ZNF75D: variants seen among roughly 807,000 people sequenced by gnomAD.
ZNF75D encodes zinc finger protein 75D, also known as zinc finger protein 75.
In ZNF75D, 33 loss-of-function variants were observed where a neutral mutation model predicts 33.3. The observed-to-expected ratio is 0.99, with a 90% CI of 0.75 to 1.32. The LOEUF (loss-of-function observed/expected upper bound fraction) is 1.32, where lower values mean the gene tolerates loss of function less well. Among genes scored for constraint, ZNF75D ranks in the 40% most tolerant of loss-of-function variants. The probability of loss-of-function intolerance (pLI) is 0.00; values close to 1 mark genes in which losing one functional copy is unlikely to be tolerated. For missense variants in ZNF75D, 338 were observed against 367.5 expected (o/e 0.92, Z 0.66); for synonymous variants, 113 against 130.6 (o/e 0.87, Z 0.92).
chrX:135,278,818 C>T (rs902627501), intron 1 of ZNF75D, among the ~76,000 whole-genome samples: 67 of 112,128 alleles, frequency 6.0e-4, no homozygotes, highest in African/African-American at 2.1e-3. Flanking sequence ...TTGAACCAGC[C>T]TTGCATCCCA....
At chrX:135,336,763 T>C (rs1556442503) in intron 1 of ZNF75D, among the ~76,000 whole-genome samples, 1 of 112,471 alleles carries the variant, frequency 8.9e-6, no homozygotes, top group Non-Finnish European at 1.9e-5. Flanking sequence ...CTCAGAACTT[T>C]TTCACTCCAG....
chrX:135,279,422 CT>C (rs2083911826), intron 1 of ZNF75D, among the ~76,000 whole-genome samples: 1 of 111,463 alleles, frequency 9.0e-6, no homozygotes, highest in Non-Finnish European at 1.9e-5. Flanking sequence ...TTTTGTTAAT[CT>C]TTTCAAAAAA....
At chrX:135,325,813 C>T (rs1476450647) in intron 1 of ZNF75D, among the ~76,000 whole-genome samples, 11 of 112,631 alleles carry the variant, frequency 9.8e-5, no homozygotes, top group Non-Finnish European at 1.5e-4. Context: ...CCAGTCCCAT[C>T]GACCACCCAA....
chrX:135,267,979 G>A (rs1331207984), intron 1 of ZNF75D, among the ~76,000 whole-genome samples: 5 of 109,445 alleles, frequency 4.6e-5, no homozygotes, highest in African/African-American at 1.0e-4. Context: ...ATCAATCAAC[G>A]TGATACATCA....
chrX:135,324,999 A>T (rs2084543567), intron 1 of ZNF75D, among the ~76,000 whole-genome samples: 2 of 110,333 alleles, frequency 1.8e-5, no homozygotes, highest in Admixed American at 9.5e-5. Context: ...TACTGTGAGG[A>T]CCATGAGCTT....
chrX:135,281,313 G>A (rs1424987334), downstream of ZNF75D, among the ~76,000 whole-genome samples: 10 of 109,212 alleles, frequency 9.2e-5, no homozygotes, highest in African/African-American at 2.7e-4. Context: ...TGAAGTTCTC[G>A]TGCTGTGTTT....
chrX:135,327,097 A>G (rs1222449639), intron 1 of ZNF75D, among the ~76,000 whole-genome samples: 9 of 112,479 alleles, frequency 8.0e-5, no homozygotes, highest in Non-Finnish European at 1.5e-4. Context: ...AATCCCACAG[A>G]GCTTGGATTA....
chrX:135,311,807 C>T lies in ZNF75D; in HGVS notation c.-390-15768G>A, dbSNP rs1298266734. On this transcript the variant is annotated intron_variant, in intron 1 of 6. Transcript: ENST00000370766. Reference sequence around the variant, plus strand: ...CATGAAGTATTTGCCTTTTCTGTGCCTGGCTCATTTCACTTAGCAAAATGT... The same window carrying T: ...CATGAAGTATTTGCCTTTTCTGTGCTTGGCTCATTTCACTTAGCAAAATGT... Among the ~76,000 whole-genome samples the T allele has an allele frequency of 7.1e-5, 8 of 112,032 alleles. No homozygotes were observed. In the Admixed American group the frequency reaches 7.5e-4, roughly 11 times the overall value.
intron 6 of ZNF75D, 48 bp downstream of exon 6, chrX:135,290,961 C>A: frequency 8.7e-7 from 1 of 1,155,100 alleles, no homozygotes; most frequent in Admixed American, 2.3e-5. Context: ...AAACAGAGGA[C>A]ATAATATATT....
intron 1 of ZNF75D, among the ~76,000 whole-genome samples, chrX:135,296,491 C>A (rs1426333487): frequency 8.9e-6 from 1 of 111,916 alleles, no homozygotes; most frequent in Non-Finnish European, 1.9e-5. Context: ...CAGTTCAGCA[C>A]TCTTGTGGGC....
In ZNF75D at chrX:135,292,343, C is replaced by T. The variant is rs35884380; in HGVS notation, c.542G>A (p.Arg181Gln). ...VFQKEYWNTY[R>Q]VLQEQLGWNT... ...CCAGCCCAGCTGTTCTTGTAGTACCCGGTATGTATTCCAATATTCTTTCTG... is the reference window on the plus strand; with the variant it reads ...CCAGCCCAGCTGTTCTTGTAGTACCTGGTATGTATTCCAATATTCTTTCTG... The change falls in exon 4 of 7, where the codon CGG (arginine) becomes CAG (glutamine). Residue 181 changes from arginine (R) to glutamine (Q), a missense_variant. By Grantham distance (43) the Arg-to-Gln change is conservative (BLOSUM62 1). Coordinates refer to ENST00000370766, the MANE Select transcript of ZNF75D (RefSeq NM_007131.5). 187 of 1,210,001 alleles carry T rather than the reference C, an allele frequency of 1.5e-4. No homozygotes were observed. In the African/African-American group the frequency reaches 2.8e-3, roughly 18 times the overall value.
chrX:135,309,980 T>C (rs2084340137), intron 1 of ZNF75D, among the ~76,000 whole-genome samples: 1 of 112,022 alleles, frequency 8.9e-6, no homozygotes, highest in Admixed American at 9.5e-5. Context: ...GTCGAAGTGA[T>C]GTAGTACTTG....
At chrX:135,278,809 T>G (rs1423711891) in intron 1 of ZNF75D, among the ~76,000 whole-genome samples, 2 of 112,393 alleles carry the variant, frequency 1.8e-5, no homozygotes, top group Non-Finnish European at 3.8e-5. Flanking sequence ...TTGCATATGT[T>G]GAACCAGCCT....
intron 1 of ZNF75D, among the ~76,000 whole-genome samples, chrX:135,276,632 C>A (rs1453436889): frequency 9.1e-6 from 1 of 110,475 alleles, no homozygotes. Context: ...AATGCTATCC[C>A]TCCCCTAGGC....
intron 1 of ZNF75D, among the ~76,000 whole-genome samples, chrX:135,310,957 G>C (rs1215292601): frequency 9.0e-6 from 1 of 111,316 alleles, no homozygotes; most frequent in Non-Finnish European, 1.9e-5. Flanking sequence ...CTCTTGGTGG[G>C]AAAGCTGCCT....
chrX:135,327,001 A>C (rs960878524), intron 1 of ZNF75D, among the ~76,000 whole-genome samples: 4 of 112,723 alleles, frequency 3.5e-5, no homozygotes, highest in Non-Finnish European at 5.6e-5. Flanking sequence ...TAATCCTCAG[A>C]AATTCCCAAG....
intron 1 of ZNF75D, among the ~76,000 whole-genome samples, chrX:135,324,813 G>A (rs884165): frequency 0.25 from 28,288 of 111,553 alleles, 2,828 homozygotes; most frequent in South Asian, 0.43. Flanking sequence ...CTGAGAATAC[G>A]GTACATGCTG....
rs1466136859 is a variant in ZNF75D at position 135,291,129 on chromosome X, A to G, written c.703T>C (p.Leu235=). 6 of 1,210,340 alleles carry G rather than the reference A, an allele frequency of 5.0e-6. No individual in the cohort carries two copies. In the African/African-American group the frequency reaches 1.0e-4, roughly 21 times the overall value. The stretch of plus-strand genomic sequence containing the variant: ...TACACAGCCACATCTTCAAATGTCA[A>G]CAAACTCTAAAGAAGAGAATGGGCT... ...KLILPESLSL[L]TFEDVAVYFS... Residue 235 remains leucine (L), a synonymous_variant, in exon 6 of 7, where the codon TTG becomes CTG. Coordinates refer to ENST00000370766, the MANE Select transcript of ZNF75D (RefSeq NM_007131.5).
In ZNF75D at chrX:135,325,717, C is replaced by T. The variant is rs188910240; in HGVS notation, c.-391+16051G>A. ...AGGGCAGGGCTCGAGACCTGCAGCC[C>T]GCCATGCCTGAGCCTCCCACCCCCT... On this transcript the variant is annotated intron_variant, in intron 1 of 6. Coordinates refer to ENST00000370766, the MANE Select transcript of ZNF75D (RefSeq NM_007131.5). Among the ~76,000 whole-genome samples, 621 of 113,079 alleles carry T rather than the reference C, an allele frequency of 5.5e-3. 3 individuals carry two copies. Among genetic ancestry groups the T allele is most frequent in the African/African-American group, 0.018 (577 of 31,212 alleles).
Sources: gnomAD v4.1 joint callset for allele counts (sites outside exome capture counted in the v4.1 genomes callset) on GRCh38, gnomAD v4.1.1 for gene constraint, MANE v1.5 for transcripts, NCBI Gene and HGNC (gene_info 2026-07-23, HGNC 2026-07-21) for gene names.